The following AOPEP variants were observed in gnomAD, a reference collection of about 807,000 sequenced individuals.
AOPEP encodes aminopeptidase O.
Under a neutral mutation model 98.1 loss-of-function variants are expected in AOPEP, and 77 were observed. The observed-to-expected ratio is 0.78, with a 90% CI of 0.65 to 0.95. AOPEP has a LOEUF of 0.95. AOPEP is among the 40% of genes least tolerant of loss of function. The pLI is 0.00. For missense variants in AOPEP, 1,024 were observed against 1,024.7 expected, an observed-to-expected ratio of 1.00 and a Z score of 0.01; for synonymous variants, 346 against 365.3, an observed-to-expected ratio of 0.95 and a Z score of 0.60.
At chr9:95,117,234 GGGCCTGATGAGGA>G in the AOPEP span, 1 of 1,203,042 alleles carries the variant, frequency 8.3e-7, no homozygotes, top group Non-Finnish European at 1.2e-6. Context: ...CTGTAGATAA[GGGCCTGATGAGGA>G]GGTCATAATT....
At chr9:94,894,545 C>G (rs1186560005) in intron 5 of AOPEP, among the ~76,000 whole-genome samples, 1 of 152,030 alleles carries the variant, frequency 6.6e-6, no homozygotes, top group Non-Finnish European at 1.5e-5. Context: ...TAAACAATAC[C>G]CATGGAAGAA....
Position 94,759,766 on chromosome 9 carries a change from C to T in AOPEP, c.-18C>T. On this transcript the variant is annotated 5_prime_UTR_variant, in exon 2 of 17. Coordinates refer to ENST00000375315, the MANE Select transcript of AOPEP (RefSeq NM_001193329.3). ...CCATCTGAGATTTTAATAAATCCCT[C>T]AAACAATAAACCACATCATGGACAT... 1.3e-6 allele frequency: 2 copies of T among 1,586,468 alleles called. No homozygotes were observed. The highest frequency in any genetic ancestry group is 1.7e-6 in the Non-Finnish European group (2 of 1,166,596).
intron 11 of AOPEP, among the ~76,000 whole-genome samples, chr9:95,001,129 G>A (rs1034434453): frequency 1.5e-4 from 23 of 152,124 alleles, no homozygotes; most frequent in Non-Finnish European, 1.8e-4. Context: ...AAACACACCC[G>A]TAACAATGTG....
intron 5 of AOPEP, among the ~76,000 whole-genome samples, chr9:94,896,093 TATC>T (rs1381518739): frequency 2.0e-5 from 3 of 152,190 alleles, no homozygotes; most frequent in African/African-American, 7.2e-5. Context: ...GCAGCAAAAT[TATC>T]ATTATTTTCG....
intron 9 of AOPEP, among the ~76,000 whole-genome samples, chr9:94,965,450 A>G (rs1271480283): frequency 1.3e-5 from 2 of 152,260 alleles, no homozygotes; most frequent in Non-Finnish European, 2.9e-5. Context: ...ATGAACATGT[A>G]GAAATCAGAC....
chr9:94,777,298 G>T (rs975816883), intron 3 of AOPEP, among the ~76,000 whole-genome samples: 2 of 151,988 alleles, frequency 1.3e-5, no homozygotes, highest in Non-Finnish European at 2.9e-5. Flanking sequence ...CGGGCGTGGT[G>T]GTGGGTGCCC....
intron 4 of AOPEP, among the ~76,000 whole-genome samples, chr9:94,794,756 T>C (rs1846527443): frequency 6.6e-6 from 1 of 152,190 alleles, no homozygotes; most frequent in Admixed American, 6.5e-5. Context: ...TTTAATTGCA[T>C]GTGAGATCCT....
At chr9:94,871,495 C>T (rs1191783317) in intron 5 of AOPEP, among the ~76,000 whole-genome samples, 1 of 152,210 alleles carries the variant, frequency 6.6e-6, no homozygotes, top group Non-Finnish European at 1.5e-5. Flanking sequence ...TCCTTTACCA[C>T]AGAGATTGTC....
chr9:94,780,108 TATTG>T (rs1842949759), intron 3 of AOPEP, among the ~76,000 whole-genome samples: 1 of 152,194 alleles, frequency 6.6e-6, no homozygotes, highest in Non-Finnish European at 1.5e-5. Context: ...AATAAAGTTT[TATTG>T]GATCATGGCC....
the AOPEP span, among the ~76,000 whole-genome samples, chr9:95,107,921 G>A: frequency 3.3e-5 from 5 of 152,166 alleles, no homozygotes; most frequent in African/African-American, 1.2e-4. Context: ...GGTTGCTTTT[G>A]CATAAAAAAT....
chr9:95,111,565 C>T, the AOPEP span: 2 of 1,614,208 alleles, frequency 1.2e-6, no homozygotes, highest in South Asian at 1.1e-5. Context: ...TCAGTAATTG[C>T]TCTGCCACCA....
chr9:94,877,059 T>G (rs1053448505), intron 5 of AOPEP, among the ~76,000 whole-genome samples: 10 of 152,190 alleles, frequency 6.6e-5, no homozygotes, highest in African/African-American at 1.9e-4. Context: ...GAAAATAGTT[T>G]ATCTATTTTA....
At chr9:95,028,147 G>A (rs1420433190) in intron 13 of AOPEP, among the ~76,000 whole-genome samples, 2 of 152,198 alleles carry the variant, frequency 1.3e-5, no homozygotes, top group Admixed American at 1.3e-4. Flanking sequence ...AGAAGTTCAT[G>A]GGAGGAAAAT....
At chr9:95,013,181 A>G (rs1047621990) in intron 13 of AOPEP, among the ~76,000 whole-genome samples, 3 of 151,944 alleles carry the variant, frequency 2.0e-5, no homozygotes, top group Non-Finnish European at 4.4e-5. Context: ...AATAAAATCA[A>G]TATGTTTGAC....
intron 1 of AOPEP, among the ~76,000 whole-genome samples, chr9:94,759,244 A>C (rs1837724748): frequency 6.6e-6 from 1 of 152,224 alleles, no homozygotes; most frequent in Non-Finnish European, 1.5e-5. Flanking sequence ...CTTCATTCAC[A>C]CTTGTTACTT....
chr9:94,986,342 T>C (rs2132252771), intron 11 of AOPEP, among the ~76,000 whole-genome samples: 1 of 152,358 alleles, frequency 6.6e-6, no homozygotes, highest in South Asian at 2.1e-4. Context: ...GTAACTCCAA[T>C]AATACAGTTG....
chr9:94,852,117 C>T (rs1380506126), intron 5 of AOPEP, among the ~76,000 whole-genome samples: 1 of 152,084 alleles, frequency 6.6e-6, no homozygotes, highest in East Asian at 1.9e-4. Context: ...ATTTGAGCGG[C>T]TGCTATGGGA....
chr9:95,123,361 T>C, the AOPEP span: 60 of 380,470 alleles, frequency 1.6e-4, no homozygotes, highest in East Asian at 3.9e-3. Context: ...AGAAACAGGC[T>C]GGGTGTGGTG....
intron 1 of AOPEP, among the ~76,000 whole-genome samples, chr9:94,754,230 A>G (rs988393990): frequency 3.3e-5 from 5 of 152,328 alleles, no homozygotes; most frequent in African/African-American, 1.2e-4. Context: ...GACTATATGC[A>G]TTTGAGTGTG....
Sources: allele counts gnomAD v4.1 joint callset (sites outside exome capture counted in the v4.1 genomes callset), GRCh38; gene constraint gnomAD v4.1.1; transcripts MANE v1.5; gene names NCBI Gene and HGNC (gene_info 2026-07-23, HGNC 2026-07-21).